HCN1: variants seen among roughly 807,000 people sequenced by gnomAD.
HCN1 encodes potassium/sodium hyperpolarization-activated cyclic nucleotide-gated channel 1.
In HCN1, 13 loss-of-function variants were observed where a neutral mutation model predicts 78.9. The ratio of observed to expected loss-of-function variants is 0.16; its 90% CI spans 0.11 to 0.26. HCN1 has a LOEUF of 0.26. Ranked by LOEUF, HCN1 falls within the 10% of genes least tolerant of loss-of-function variation. The pLI is 1.00. For synonymous variants in HCN1, 552 were observed against 455.5 expected (o/e 1.21, Z -2.70); for missense variants, 810 against 1,154.3 (o/e 0.70, Z 4.32).
intron 3 of HCN1, among the ~76,000 whole-genome samples, chr5:45,437,588 A>C (rs990936242): frequency 2.0e-5 from 3 of 152,216 alleles, no homozygotes; most frequent in African/African-American, 7.2e-5. Context: ...TCACAACTTT[A>C]AACTCTGAGA....
chr5:45,348,630 T>C (rs1002378733), intron 5 of HCN1, among the ~76,000 whole-genome samples: 20 of 152,276 alleles, frequency 1.3e-4, no homozygotes, highest in African/African-American at 4.6e-4. Context: ...CCATCTCATG[T>C]GCAGAGACAC....
At chr5:45,385,374 G>A (rs1579860651) in intron 4 of HCN1, among the ~76,000 whole-genome samples, 1 of 151,966 alleles carries the variant, frequency 6.6e-6, no homozygotes. Context: ...ATTAAAAAAA[G>A]GAAATTGATT....
At chr5:45,692,356 T>C (rs184954472) in intron 1 of HCN1, among the ~76,000 whole-genome samples, 5 of 152,316 alleles carry the variant, frequency 3.3e-5, no homozygotes, top group Admixed American at 3.3e-4. Context: ...AAATTAAATG[T>C]GTCTATGTGT....
At chr5:45,372,042 ATT>A (rs1491412803) in intron 4 of HCN1, among the ~76,000 whole-genome samples, 5 of 58,348 alleles carry the variant, frequency 8.6e-5, no homozygotes, top group East Asian at 7.4e-4. Context: ...TTATATATAT[ATT>A]ATATATATAA....
At chr5:45,601,698 A>G (rs2111964923) in intron 2 of HCN1, among the ~76,000 whole-genome samples, 1 of 152,246 alleles carries the variant, frequency 6.6e-6, no homozygotes, top group East Asian at 1.9e-4. Context: ...CATTCTAACT[A>G]CTGCACTATT....
At chr5:45,374,055 T>TTA (rs1491198059) in intron 4 of HCN1, among the ~76,000 whole-genome samples, 2 of 108,144 alleles carry the variant, frequency 1.8e-5, no homozygotes, top group Non-Finnish European at 3.5e-5. Context: ...ATTATATATA[T>TTA]TATATATATA....
At chr5:45,537,264 A>T (rs971139743) in intron 2 of HCN1, among the ~76,000 whole-genome samples, 5 of 152,160 alleles carry the variant, frequency 3.3e-5, no homozygotes, top group Non-Finnish European at 7.3e-5. Flanking sequence ...TTTTTAAAAA[A>T]AATATTTCTT....
chr5:45,575,547 C>T (rs1264395062), intron 2 of HCN1: 2 of 151,948 alleles, frequency 1.3e-5, no homozygotes, highest in Non-Finnish European at 2.9e-5. Flanking sequence ...GCACGTTGCG[C>T]ACATGTACCC....
intron 2 of HCN1, among the ~76,000 whole-genome samples, chr5:45,512,231 A>AT (rs1324351819): frequency 1.3e-5 from 2 of 152,048 alleles, no homozygotes; most frequent in East Asian, 1.9e-4. Flanking sequence ...AGTCAAAATA[A>AT]TTTTTTCCAA....
chr5:45,476,760 T>TGCTGCAAAATCCAAAAC (rs1379352697), intron 2 of HCN1, among the ~76,000 whole-genome samples: 8 of 152,156 alleles, frequency 5.3e-5, no homozygotes, highest in Admixed American at 5.2e-4. Flanking sequence ...AAATCTGAAA[T>TGCTGCAAAATCCAAAAC]GCTCCAAAAT....
intron 5 of HCN1, among the ~76,000 whole-genome samples, chr5:45,333,158 C>G (rs1746380561): frequency 6.6e-6 from 1 of 151,564 alleles, no homozygotes. Context: ...TTTGTTATTG[C>G]CTGTCTTTTG....
intron 2 of HCN1, among the ~76,000 whole-genome samples, chr5:45,462,967 T>C (rs898472455): frequency 1.3e-5 from 2 of 152,028 alleles, no homozygotes; most frequent in African/African-American, 2.4e-5. Context: ...ACCTACATTG[T>C]AGAACTAAGT....
chr5:45,300,487 T>C (rs1472764181), intron 6 of HCN1, among the ~76,000 whole-genome samples: 1 of 152,104 alleles, frequency 6.6e-6, no homozygotes, highest in Non-Finnish European at 1.5e-5. Context: ...GAATAGTAAA[T>C]ATATTTTCTC....
chr5:45,421,770 A>G (rs950884507), intron 3 of HCN1, among the ~76,000 whole-genome samples: 8 of 152,210 alleles, frequency 5.3e-5, no homozygotes, highest in African/African-American at 1.2e-4. Context: ...CACAGTTCTG[A>G]AAGTGGGAAG....
chr5:45,392,321 T>C (rs1399002310), intron 4 of HCN1, among the ~76,000 whole-genome samples: 1 of 152,056 alleles, frequency 6.6e-6, no homozygotes, highest in East Asian at 1.9e-4. Context: ...TGGGCCTTCA[T>C]TTACAAGAAA....
chr5:45,571,517 G>T (rs1022731620), intron 2 of HCN1, among the ~76,000 whole-genome samples: 1 of 152,286 alleles, frequency 6.6e-6, no homozygotes, highest in South Asian at 2.1e-4. Context: ...TGTCATCAAA[G>T]AACCTGGATG....
chr5:45,498,468 A>T (rs1742101899), intron 2 of HCN1, among the ~76,000 whole-genome samples: 1 of 152,002 alleles, frequency 6.6e-6, no homozygotes, highest in Non-Finnish European at 1.5e-5. Flanking sequence ...TGTATTGGTT[A>T]TTCTAGTTAT....
intron 2 of HCN1, among the ~76,000 whole-genome samples, chr5:45,534,343 C>A (rs1330266966): frequency 2.3e-5 from 3 of 129,346 alleles, no homozygotes; most frequent in Non-Finnish European, 4.6e-5. Context: ...TTGCAATGAG[C>A]CAAGATCCCG....
At chr5:45,306,127 A>T (rs1473839501) in intron 5 of HCN1, among the ~76,000 whole-genome samples, 1 of 152,116 alleles carries the variant, frequency 6.6e-6, no homozygotes, top group Non-Finnish European at 1.5e-5. Context: ...GTTGATTGAG[A>T]GTTAATTATT....
Sources: gnomAD v4.1 joint callset for allele counts (sites outside exome capture counted in the v4.1 genomes callset) on GRCh38, gnomAD v4.1.1 for gene constraint, MANE v1.5 for transcripts, NCBI Gene and HGNC (gene_info 2026-07-23, HGNC 2026-07-21) for gene names.